The following SYN2 variants were observed in gnomAD, a reference collection of about 807,000 sequenced individuals.
The protein encoded by SYN2 is synapsin II.
A neutral mutation model predicts 50.9 loss-of-function variants in SYN2; 19 were observed. The observed-to-expected ratio is 0.37, with a 90% CI of 0.26 to 0.55. SYN2 has a LOEUF of 0.55. Ranked by LOEUF, SYN2 falls within the 20% of genes least tolerant of loss-of-function variation. The probability of loss-of-function intolerance (pLI) is 0.81; values close to 1 mark genes in which losing one functional copy is unlikely to be tolerated. For missense variants in SYN2, 587 were observed against 576.4 expected (o/e 1.02, Z -0.19); for synonymous variants, 255 against 224.9 (o/e 1.13, Z -1.20).
intron 1 of SYN2, among the ~76,000 whole-genome samples, chr3:12,136,172 A>AG (rs1437450335): frequency 6.6e-6 from 1 of 152,228 alleles, no homozygotes; most frequent in Non-Finnish European, 1.5e-5. Context: ...TGTTGGCTGT[A>AG]GTCATATTAA....
intron 1 of SYN2, among the ~76,000 whole-genome samples, chr3:12,063,066 C>T (rs1008334159): frequency 1.3e-5 from 2 of 150,214 alleles, no homozygotes; most frequent in Admixed American, 6.7e-5. Context: ...TGGTGTTTGC[C>T]GGGGGGAAGG....
intron 1 of SYN2, among the ~76,000 whole-genome samples, chr3:12,106,873 T>A (rs1435663201): frequency 6.6e-6 from 1 of 152,208 alleles, no homozygotes; most frequent in African/African-American, 2.4e-5. Context: ...GTGTTTTTTT[T>A]AACAGCTGCT....
intron 1 of SYN2, among the ~76,000 whole-genome samples, chr3:12,036,966 A>G (rs1694511083): frequency 6.6e-6 from 1 of 152,188 alleles, no homozygotes; most frequent in Non-Finnish European, 1.5e-5. Flanking sequence ...CAGATATCCT[A>G]GTTTATCACT....
intron 1 of SYN2, among the ~76,000 whole-genome samples, chr3:12,026,960 C>G (rs956087422): frequency 6.6e-6 from 1 of 152,114 alleles, no homozygotes; most frequent in African/African-American, 2.4e-5. Context: ...GGGGTTTACA[C>G]TAATTTCTTC....
intron 1 of SYN2, among the ~76,000 whole-genome samples, chr3:12,132,585 G>C (rs139604357): frequency 6.6e-6 from 1 of 152,172 alleles, no homozygotes; most frequent in Non-Finnish European, 1.5e-5. Context: ...GACTGAAGAC[G>C]ACTCATTATT....
chr3:12,015,905 T>TA (rs1463507115), intron 1 of SYN2, among the ~76,000 whole-genome samples: 2 of 152,236 alleles, frequency 1.3e-5, no homozygotes, highest in Admixed American at 1.3e-4. Context: ...TTCCAGGATA[T>TA]ATACCTCTTA....
At chr3:12,068,661 T>C (rs1695274445) in intron 1 of SYN2, among the ~76,000 whole-genome samples, 1 of 152,162 alleles carries the variant, frequency 6.6e-6, no homozygotes, top group African/African-American at 2.4e-5. Context: ...TAAATTTTTT[T>C]CTCTTCTGTT....
chr3:12,075,725 TGATTTAAAG>T (rs1695454909), intron 1 of SYN2, among the ~76,000 whole-genome samples: 3 of 152,160 alleles, frequency 2.0e-5, no homozygotes, highest in African/African-American at 7.2e-5. Flanking sequence ...ATATGACCAG[TGATTTAAAG>T]GATGCTTTCC....
intron 1 of SYN2, among the ~76,000 whole-genome samples, chr3:12,052,930 C>G (rs1173458982): frequency 6.6e-6 from 1 of 152,154 alleles, no homozygotes; most frequent in Non-Finnish European, 1.5e-5. Context: ...GCTGCTGGTT[C>G]CCATATCTCT....
rs369510979 is a variant in SYN2 at position 12,187,607 on chromosome 3, G to A, written c.1608G>A (p.Gln536=). ...APPQKPQPHP[Q]LNKSQSLTNA... ...CACAGAAGCCCCAGCCTCACCCACA[G>A]CTCAAGTAAGAGACAACTCAGCAGC... Residue 536 remains glutamine (Q), a synonymous_variant, in exon 12 of 13, where the codon CAG becomes CAA. Coordinates refer to ENST00000621198, the MANE Select transcript of SYN2 (RefSeq NM_133625.6). 7.9e-5 allele frequency: 122 copies of A among 1,545,792 alleles called. No individual in the cohort carries two copies. The African/African-American group carries it at 1.4e-3, about 18-fold the overall frequency.
intron 1 of SYN2, among the ~76,000 whole-genome samples, chr3:12,023,202 TA>T (rs35299870): frequency 0.048 from 7,014 of 146,812 alleles, 207 homozygotes; most frequent in Non-Finnish European, 0.068. Context: ...GCTTTATAAA[TA>T]AAAAAAAAAA....
chr3:12,063,577 T>C (rs970791901), intron 1 of SYN2, among the ~76,000 whole-genome samples: 4 of 152,048 alleles, frequency 2.6e-5, no homozygotes, highest in African/African-American at 9.7e-5. Flanking sequence ...GAATAATCCA[T>C]GTAATAATGG....
intron 1 of SYN2, among the ~76,000 whole-genome samples, chr3:12,123,612 A>G (rs1574952664): frequency 6.6e-6 from 1 of 152,142 alleles, no homozygotes; most frequent in East Asian, 1.9e-4. Flanking sequence ...CTAAAGAAAA[A>G]CACAAACACA....
chr3:12,141,400 A>G (rs1332412935), intron 2 of SYN2, among the ~76,000 whole-genome samples: 1 of 152,232 alleles, frequency 6.6e-6, no homozygotes, highest in African/African-American at 2.4e-5. Flanking sequence ...CAAGATTGAT[A>G]AAAATTATTC....
chr3:12,067,292 AAAAAG>A (rs1345360227), intron 1 of SYN2, among the ~76,000 whole-genome samples: 2 of 152,218 alleles, frequency 1.3e-5, no homozygotes, highest in Non-Finnish European at 2.9e-5. Flanking sequence ...TGATTTAAAA[AAAAAG>A]AAAAAAGGGA....
intron 5 of SYN2, chr3:12,156,785 T>C: frequency 6.4e-7 from 1 of 1,555,316 alleles, no homozygotes; most frequent in Non-Finnish European, 8.9e-7. Flanking sequence ...GCAGAATCTA[T>C]TATATTAAGG....
At chr3:12,158,731 G>A in intron 5 of SYN2, 2 of 1,609,734 alleles carry the variant, frequency 1.2e-6, no homozygotes, top group Non-Finnish European at 1.7e-6. Context: ...GTGCTGCTGA[G>A]GGTGCGCCGG....
At chr3:12,029,242 G>C (rs1210841372) in intron 1 of SYN2, among the ~76,000 whole-genome samples, 1 of 132,760 alleles carries the variant, frequency 7.5e-6, no homozygotes, top group African/African-American at 3.6e-5. Context: ...CTATATCTCT[G>C]TTTTGGTACC....
At chr3:12,056,632 A>C (rs747344185) in intron 1 of SYN2, among the ~76,000 whole-genome samples, 9 of 152,210 alleles carry the variant, frequency 5.9e-5, no homozygotes, top group Non-Finnish European at 1.0e-4. Context: ...TTGACATTCA[A>C]AATGGATTAT....
Sources: allele counts gnomAD v4.1 joint callset (sites outside exome capture counted in the v4.1 genomes callset), GRCh38; gene constraint gnomAD v4.1.1; transcripts MANE v1.5; gene names NCBI Gene and HGNC (gene_info 2026-07-23, HGNC 2026-07-21).